PCLO: variants seen among roughly 807,000 people sequenced by gnomAD.
PCLO encodes piccolo presynaptic cytomatrix protein, also known as protein piccolo.
Under a neutral mutation model 427.5 loss-of-function variants are expected in PCLO, and 82 were observed. The observed-to-expected ratio is 0.19, with a 90% CI of 0.16 to 0.23. PCLO has a LOEUF of 0.23. PCLO is among the 10% of genes least tolerant of loss of function. The pLI, the probability that PCLO is intolerant of heterozygous loss-of-function variation, is 1.00. For missense variants in PCLO, 6,239 were observed against 6,115.9 expected (o/e 1.02, Z -0.67); for synonymous variants, 2,357 against 2,155.4 (o/e 1.09, Z -2.59).
intron 6 of PCLO, among the ~76,000 whole-genome samples, chr7:82,937,480 C>T (rs1794983894): frequency 6.6e-6 from 1 of 151,538 alleles, no homozygotes; most frequent in South Asian, 2.1e-4. Context: ...TATTATTTCC[C>T]TGAACTATTC....
intron 3 of PCLO, among the ~76,000 whole-genome samples, chr7:83,132,638 A>G (rs1791602863): frequency 6.6e-6 from 1 of 152,088 alleles, no homozygotes; most frequent in South Asian, 2.1e-4. Context: ...ATCCATACAC[A>G]TATATGTAAA....
chr7:83,039,735 C>A (rs1175853337), intron 3 of PCLO, among the ~76,000 whole-genome samples: 2 of 152,020 alleles, frequency 1.3e-5, no homozygotes, highest in Non-Finnish European at 2.9e-5. Context: ...TACAAAATAA[C>A]CAGCTTAAAT....
intron 3 of PCLO, among the ~76,000 whole-genome samples, chr7:82,984,689 C>A (rs1483096288): frequency 4.6e-5 from 7 of 151,914 alleles, no homozygotes; most frequent in Admixed American, 4.0e-4. Flanking sequence ...GCTCACTTAG[C>A]TAACATTTAG....
intron 3 of PCLO, among the ~76,000 whole-genome samples, chr7:82,995,005 C>T (rs1220193940): frequency 6.6e-6 from 1 of 151,736 alleles, no homozygotes; most frequent in African/African-American, 2.4e-5. Flanking sequence ...ATATTTTGAC[C>T]TCCAATATTG....
intron 6 of PCLO, among the ~76,000 whole-genome samples, chr7:82,917,090 C>A (rs1213291036): frequency 6.6e-6 from 1 of 152,048 alleles, no homozygotes; most frequent in Non-Finnish European, 1.5e-5. Flanking sequence ...ATAACTCCTA[C>A]ATTAGCAGTT....
chr7:83,117,518 C>T (rs1791164176), intron 3 of PCLO, among the ~76,000 whole-genome samples: 1 of 152,206 alleles, frequency 6.6e-6, no homozygotes, highest in South Asian at 2.1e-4. Flanking sequence ...GTGTTTGCAA[C>T]AGGCAGCCTC....
intron 3 of PCLO, among the ~76,000 whole-genome samples, chr7:83,098,561 T>C (rs1790652747): frequency 6.6e-6 from 1 of 152,118 alleles, no homozygotes; most frequent in Non-Finnish European, 1.5e-5. Flanking sequence ...ATGGTATATA[T>C]AAAGGGAATA....
intron 2 of PCLO, among the ~76,000 whole-genome samples, chr7:83,140,703 TGTAC>T (rs1378738887): frequency 6.6e-6 from 1 of 152,232 alleles, no homozygotes; most frequent in Non-Finnish European, 1.5e-5. Context: ...AACCCTACTT[TGTAC>T]CTTAGGCCAC....
At chr7:82,809,143 T>G (rs773204695) in intron 20 of PCLO, among the ~76,000 whole-genome samples, 1 of 151,906 alleles carries the variant, frequency 6.6e-6, no homozygotes, top group Non-Finnish European at 1.5e-5. Context: ...AAAGTGTATT[T>G]AGGACTTTAT....
intron 3 of PCLO, chr7:83,017,809 T>C (rs1018153815): frequency 1.4e-4 from 21 of 152,028 alleles, no homozygotes; most frequent in Admixed American, 7.2e-4. Context: ...ACTTCTGATA[T>C]AATATTAACT....
At chr7:82,845,928 A>G (rs1379168590) in intron 12 of PCLO, among the ~76,000 whole-genome samples, 1 of 152,110 alleles carries the variant, frequency 6.6e-6, no homozygotes, top group African/African-American at 2.4e-5. Context: ...TTCGTATAGC[A>G]CTTGGTCTAT....
intron 22 of PCLO, among the ~76,000 whole-genome samples, chr7:82,772,727 A>G (rs942883392): frequency 6.6e-6 from 1 of 152,094 alleles, no homozygotes; most frequent in Non-Finnish European, 1.5e-5. Context: ...TTTCTGATTG[A>G]TCTCCTTCAG....
chr7:82,798,357 TA>T (rs1021926947), intron 22 of PCLO, among the ~76,000 whole-genome samples: 17 of 152,090 alleles, frequency 1.1e-4, no homozygotes, highest in African/African-American at 3.4e-4. Flanking sequence ...ATATTTTGTC[TA>T]AAAAAAATTG....
At chr7:82,829,447 A>G (rs1214132229) in intron 16 of PCLO, among the ~76,000 whole-genome samples, 4 of 152,302 alleles carry the variant, frequency 2.6e-5, no homozygotes, top group Admixed American at 2.0e-4. Flanking sequence ...TTGGTGTTTC[A>G]TAACACTTCA....
chr7:82,902,823 C>G (rs1794081811), intron 8 of PCLO, 82 bp from the exon 9 acceptor site: 1 of 703,576 alleles, frequency 1.4e-6, no homozygotes, highest in African/African-American at 1.8e-5. Flanking sequence ...TGGTTCATTT[C>G]AAAGCACATT....
At chr7:83,153,404 A>C (rs764428860) in intron 2 of PCLO, among the ~76,000 whole-genome samples, 21 of 152,234 alleles carry the variant, frequency 1.4e-4, no homozygotes, top group South Asian at 8.3e-4. Flanking sequence ...CCAAGAGTTG[A>C]CATATTTTAA....
rs747807413 is a variant in PCLO, at chr7:83,154,992, G to A, written c.1649C>T (p.Ser550Leu). The A allele has an allele frequency of 3.7e-5, 59 of 1,613,904 alleles. No homozygotes were observed. The highest frequency in any genetic ancestry group is 2.4e-4 in the South Asian group (22 of 91,078). The change falls in exon 2 of 25, where the codon TCG (serine) becomes TTG (leucine). Residue 550 changes from serine (S) to leucine (L), a missense_variant. Ser to Leu is a moderately radical substitution (Grantham distance 145). Around this residue, in one of 5 missense-constraint regions of PCLO, gnomAD observed 4,677 missense variants for 4,468.4 expected, o/e 1.05. Coordinates refer to ENST00000333891, the MANE Select transcript of PCLO (RefSeq NM_033026.6). ...TACTGGTTTTGTAGATTGCTGAGCC[G>A]AGGGCTTTGCTGGGCTAGGCTGTTG... ...SAQQPSPAKP[S>L]AQQSTKPVSQ... is the part of the protein sequence containing the mutation.
At chr7:82,880,801 G>A (rs1051967339) in intron 9 of PCLO, among the ~76,000 whole-genome samples, 1 of 151,978 alleles carries the variant, frequency 6.6e-6, no homozygotes, top group African/African-American at 2.4e-5. Context: ...TGTGACTATT[G>A]GGCAATCTTG....
chr7:82,953,331 C>A lies in PCLO; in HGVS notation c.7622G>T (p.Ser2541Ile), dbSNP rs770001581. Residue 2541 changes from serine to isoleucine, a missense_variant, in exon 5 of 25, where the codon AGT becomes ATT. Ser to Ile is a moderately radical substitution (Grantham distance 142). Transcript: ENST00000333891. ...PKPTGLSLTS[S>I]MTLNLVTSAD... ...TGAAGTCACTAAATTTAAGGTCATA[C>A]TTGAAGTTAAAGATAGGCCTGTTGG... 6.2e-7 allele frequency: 1 copy of A among 1,613,704 alleles called. No individual in the cohort carries two copies. Among genetic ancestry groups the A allele is most frequent in the South Asian group, 1.1e-5 (1 of 91,070 alleles).
Sources: allele counts gnomAD v4.1 joint callset (sites outside exome capture counted in the v4.1 genomes callset), GRCh38; gene constraint gnomAD v4.1.1; regional missense constraint gnomAD v4.1.1; transcripts MANE v1.5; gene names NCBI Gene and HGNC (gene_info 2026-07-23, HGNC 2026-07-21).